Variants in KLF13 observed in about 807,000 individuals in gnomAD.
KLF13 encodes KLF transcription factor 13.
A neutral mutation model predicts 16.7 loss-of-function variants in KLF13; 8 were observed. The ratio of observed to expected loss-of-function variants is 0.48; its 90% CI spans 0.28 to 0.87. The LOEUF is 0.87. Among genes scored for constraint, KLF13 ranks in the 40% least tolerant of loss-of-function variants. The probability of loss-of-function intolerance (pLI) is 0.10; values close to 1 mark genes in which losing one functional copy is unlikely to be tolerated. For missense variants in KLF13, 447 were observed against 452.2 expected (o/e 0.99, Z 0.10); for synonymous variants, 245 against 208.4 (o/e 1.18, Z -1.51).
intron 1 of KLF13, among the ~76,000 whole-genome samples, chr15:31,363,119 G>GGTT (rs1339626964): frequency 1.3e-5 from 2 of 152,220 alleles, no homozygotes; most frequent in African/African-American, 4.8e-5. Context: ...CCTCCATGGA[G>GGTT]GTTGTAGCAG....
intron 1 of KLF13, among the ~76,000 whole-genome samples, chr15:31,383,160 T>G (rs2039748835): frequency 6.6e-6 from 1 of 152,210 alleles, no homozygotes; most frequent in Non-Finnish European, 1.5e-5. Flanking sequence ...TATTGCATGC[T>G]TACCCTGATG....
At chr15:31,338,455 C>T (rs887881013) in intron 1 of KLF13, among the ~76,000 whole-genome samples, 8 of 152,194 alleles carry the variant, frequency 5.3e-5, no homozygotes, top group Admixed American at 2.6e-4. Flanking sequence ...AGGCATCTGG[C>T]CAGGTGGTGC....
At chr15:31,367,760 C>T (rs1423072588) in intron 1 of KLF13, among the ~76,000 whole-genome samples, 1 of 152,162 alleles carries the variant, frequency 6.6e-6, no homozygotes, top group Admixed American at 6.5e-5. Flanking sequence ...ACCTTTGGAA[C>T]GTGCCAGGCG....
intron 1 of KLF13, among the ~76,000 whole-genome samples, chr15:31,368,033 CT>C (rs2140963212): frequency 6.7e-6 from 1 of 148,726 alleles, no homozygotes; most frequent in East Asian, 2.0e-4. Flanking sequence ...TTCTCACTTG[CT>C]GCCTTCCCCG....
intron 1 of KLF13, chr15:31,420,257 A>G (rs369306167): frequency 1.4e-6 from 1 of 707,526 alleles, no homozygotes; most frequent in South Asian, 1.3e-5. Context: ...GACCCTCATG[A>G]TATCTGGTGA....
At chr15:31,338,118 A>G (rs1386631345) in intron 1 of KLF13, among the ~76,000 whole-genome samples, 1 of 152,170 alleles carries the variant, frequency 6.6e-6, no homozygotes, top group African/African-American at 2.4e-5. Context: ...TGGGTAGTAC[A>G]CTTCAGCAGT....
chr15:31,349,151 G>C (rs752607131), intron 1 of KLF13, among the ~76,000 whole-genome samples: 1 of 152,174 alleles, frequency 6.6e-6, no homozygotes, highest in African/African-American at 2.4e-5. Flanking sequence ...GTGGGGTACT[G>C]TATCCTCTGC....
upstream of KLF13, among the ~76,000 whole-genome samples, chr15:31,389,634 G>C (rs1185977045): frequency 6.6e-6 from 1 of 152,140 alleles, no homozygotes; most frequent in Non-Finnish European, 1.5e-5. Context: ...CTTCATGGAA[G>C]GTGGGAGTAG....
At chr15:31,400,991 C>T (rs777029693) in intron 2 of KLF13, among the ~76,000 whole-genome samples, 18 of 151,144 alleles carry the variant, frequency 1.2e-4, no homozygotes, top group Non-Finnish European at 2.4e-4. Flanking sequence ...TGTGTCCCGT[C>T]GATAGATAAA....
intron 1 of KLF13, among the ~76,000 whole-genome samples, chr15:31,411,926 G>A (rs909431830): frequency 1.3e-5 from 2 of 152,114 alleles, no homozygotes; most frequent in African/African-American, 2.4e-5. Context: ...TCTACCCAAG[G>A]ATCAGACACA....
At chr15:31,364,546 A>G (rs2039436358) in intron 1 of KLF13, among the ~76,000 whole-genome samples, 1 of 152,256 alleles carries the variant, frequency 6.6e-6, no homozygotes, top group Non-Finnish European at 1.5e-5. Context: ...ATCTCCTCCA[A>G]GCACCACTGT....
chr15:31,393,463 GC>G, intron 1 of KLF13: 1 of 24,018 alleles, frequency 4.2e-5, no homozygotes, highest in Non-Finnish European at 7.5e-5. Flanking sequence ...GCACCCACCC[GC>G]CAGGGGGTTT....
intron 1 of KLF13, among the ~76,000 whole-genome samples, chr15:31,330,295 G>A (rs2038804587): frequency 6.6e-6 from 1 of 152,164 alleles, no homozygotes; most frequent in African/African-American, 2.4e-5. Flanking sequence ...GTCAGTGACT[G>A]AGGTCATGCC....
intron 1 of KLF13, among the ~76,000 whole-genome samples, chr15:31,363,582 G>A (rs879415564): frequency 3.9e-5 from 6 of 152,204 alleles, no homozygotes; most frequent in Non-Finnish European, 8.8e-5. Context: ...TGCCTCCCAC[G>A]CTCAAGTGAT....
intron 1 of KLF13, among the ~76,000 whole-genome samples, chr15:31,359,515 G>A (rs12439239): frequency 0.052 from 7,990 of 152,252 alleles, 295 homozygotes; most frequent in East Asian, 0.12. Flanking sequence ...TGAAAGGTAC[G>A]TGTGTGTACA....
chr15:31,412,727 G>A (rs1314493620), intron 1 of KLF13, among the ~76,000 whole-genome samples: 2 of 152,132 alleles, frequency 1.3e-5, no homozygotes. Context: ...GGAGACGAAG[G>A]CCATAAAACA....
At chr15:31,422,132 C>CAAAAAACAAAA (rs1595512612) in intron 1 of KLF13, among the ~76,000 whole-genome samples, 2 of 77,856 alleles carry the variant, frequency 2.6e-5, no homozygotes, top group Non-Finnish European at 5.1e-5. Context: ...AACAAACAAA[C>CAAAAAACAAAA]AAAAAAAAAA....
chr15:31,410,520 TATAA>T (rs1213363959), intron 1 of KLF13, among the ~76,000 whole-genome samples: 2 of 151,830 alleles, frequency 1.3e-5, no homozygotes, highest in Non-Finnish European at 2.9e-5. Context: ...AATATAAAGA[TATAA>T]ATGAGTTAAA....
intron 1 of KLF13, among the ~76,000 whole-genome samples, chr15:31,410,882 C>G (rs1307620760): frequency 1.3e-5 from 2 of 152,028 alleles, no homozygotes; most frequent in Non-Finnish European, 2.9e-5. Flanking sequence ...ATTACAGACC[C>G]CTATAGACAC....
Sources: allele counts gnomAD v4.1 joint callset (sites outside exome capture counted in the v4.1 genomes callset), GRCh38; gene constraint gnomAD v4.1.1; transcripts MANE v1.5; gene names NCBI Gene and HGNC (gene_info 2026-07-23, HGNC 2026-07-21).